CCDC178: variants seen among roughly 807,000 people sequenced by gnomAD.
The protein encoded by CCDC178 is coiled-coil domain containing 178.
A neutral mutation model predicts 117.4 loss-of-function variants in CCDC178; 126 were observed. The observed-to-expected ratio is 1.07, with a 90% CI of 0.93 to 1.24. The LOEUF (loss-of-function observed/expected upper bound fraction) is 1.24, where lower values mean the gene tolerates loss of function less well. CCDC178 is among the 50% of genes most tolerant of loss of function. The pLI, the probability that CCDC178 is intolerant of heterozygous loss-of-function variation, is 0.00. For missense variants in CCDC178, 1,030 were observed against 986.9 expected, an observed-to-expected ratio of 1.04 and a Z score of -0.59; for synonymous variants, 283 against 313.4, an observed-to-expected ratio of 0.90 and a Z score of 1.02.
chr18:33,365,178 A>G (rs1182790296), intron 6 of CCDC178, among the ~76,000 whole-genome samples: 1 of 152,110 alleles, frequency 6.6e-6, no homozygotes, highest in Non-Finnish European at 1.5e-5. Context: ...GTTAAATACA[A>G]TAGAACTAAT....
intron 2 of CCDC178, among the ~76,000 whole-genome samples, chr18:33,414,325 G>GA (rs920129368): frequency 6.6e-5 from 10 of 150,392 alleles, no homozygotes; most frequent in Admixed American, 3.3e-4. Context: ...AGCAAATTTA[G>GA]AAAAAAAAAC....
At chr18:33,215,473 T>A in intron 19 of CCDC178, 77 bp downstream of exon 19, 1 of 863,418 alleles carries the variant, frequency 1.2e-6, no homozygotes, top group Non-Finnish European at 1.6e-6. Flanking sequence ...TAAGAATGCA[T>A]TTTAAATATG....
intron 5 of CCDC178, among the ~76,000 whole-genome samples, chr18:33,375,897 G>C (rs982662223): frequency 1.2e-4 from 19 of 152,074 alleles, no homozygotes; most frequent in Admixed American, 4.6e-4. Flanking sequence ...AGAAGCATAA[G>C]GCAGAAGGAC....
At chr18:32,993,736 G>A (rs1170965283) in intron 21 of CCDC178, among the ~76,000 whole-genome samples, 2 of 152,088 alleles carry the variant, frequency 1.3e-5, no homozygotes, top group African/African-American at 4.8e-5. Flanking sequence ...TTGAGGGCAG[G>A]GTCAATGTGA....
chr18:33,044,330 C>A (rs2056604012), intron 21 of CCDC178, among the ~76,000 whole-genome samples: 1 of 151,992 alleles, frequency 6.6e-6, no homozygotes, highest in Admixed American at 6.6e-5. Flanking sequence ...CCAAAACAAT[C>A]TACAGCTTCA....
At chr18:32,987,866 G>A (rs1384414948) in intron 21 of CCDC178, among the ~76,000 whole-genome samples, 1 of 152,172 alleles carries the variant, frequency 6.6e-6, no homozygotes, top group African/African-American at 2.4e-5. Context: ...GGGAGGCCGA[G>A]GCAGGTGGAT....
chr18:32,951,931 G>A (rs1305092947), intron 22 of CCDC178, among the ~76,000 whole-genome samples: 1 of 152,178 alleles, frequency 6.6e-6, no homozygotes, highest in Admixed American at 6.5e-5. Context: ...AAATCCAATA[G>A]GGCAGTCATT....
intron 21 of CCDC178, among the ~76,000 whole-genome samples, chr18:33,053,670 A>C (rs2056782464): frequency 6.6e-6 from 1 of 152,174 alleles, no homozygotes. Context: ...AGAGATTGAA[A>C]AGTCGAAAAA....
intron 18 of CCDC178, among the ~76,000 whole-genome samples, chr18:33,219,092 T>C (rs1397024022): frequency 6.6e-6 from 1 of 152,184 alleles, no homozygotes; most frequent in Non-Finnish European, 1.5e-5. Flanking sequence ...CAACATGGAA[T>C]GTTCTTCCAT....
intron 21 of CCDC178, among the ~76,000 whole-genome samples, chr18:32,995,610 T>G (rs1334347110): frequency 6.6e-6 from 1 of 152,124 alleles, no homozygotes; most frequent in Non-Finnish European, 1.5e-5. Context: ...GTTGAATTAA[T>G]GAATGCTTTT....
chr18:32,958,388 A>G (rs1444688897), intron 22 of CCDC178, among the ~76,000 whole-genome samples: 1 of 152,210 alleles, frequency 6.6e-6, no homozygotes, highest in Non-Finnish European at 1.5e-5. Context: ...TCTAAATTTT[A>G]AAACCAGTGT....
intron 20 of CCDC178, among the ~76,000 whole-genome samples, chr18:33,169,600 T>G (rs2058573588): frequency 6.6e-6 from 1 of 152,174 alleles, no homozygotes; most frequent in African/African-American, 2.4e-5. Flanking sequence ...GGTGGTTGAA[T>G]ATCATGAGCT....
chr18:33,383,382 C>T (rs1231662684), intron 5 of CCDC178, among the ~76,000 whole-genome samples: 1 of 151,310 alleles, frequency 6.6e-6, no homozygotes, highest in Non-Finnish European at 1.5e-5. Flanking sequence ...CAGATGACCC[C>T]CTCAAGTGGT....
chr18:33,416,106 A>G (rs1166075331), intron 2 of CCDC178, among the ~76,000 whole-genome samples: 1 of 152,164 alleles, frequency 6.6e-6, no homozygotes. Flanking sequence ...AGACAGTAAC[A>G]TCTCTACTCC....
chr18:33,042,888 A>G (rs542194125), intron 21 of CCDC178, among the ~76,000 whole-genome samples: 7 of 152,004 alleles, frequency 4.6e-5, no homozygotes, highest in South Asian at 2.1e-4. Flanking sequence ...GATGAAAAAT[A>G]TGATTCGCAG....
intron 11 of CCDC178, among the ~76,000 whole-genome samples, chr18:33,303,148 T>A (rs2062200850): frequency 6.6e-6 from 1 of 152,120 alleles, no homozygotes. Flanking sequence ...TATATGTCAA[T>A]CTTTAAAGTT....
intron 6 of CCDC178, among the ~76,000 whole-genome samples, chr18:33,361,091 T>C (rs1033068781): frequency 6.6e-6 from 1 of 151,666 alleles, no homozygotes; most frequent in Non-Finnish European, 1.5e-5. Context: ...TTTAAACTTA[T>C]ATTACAAAGC....
intron 22 of CCDC178, among the ~76,000 whole-genome samples, chr18:32,940,233 T>A (rs2144583290): frequency 6.6e-6 from 1 of 152,192 alleles, no homozygotes. Context: ...AGAAGCCCCT[T>A]TTGAATTAAT....
intron 21 of CCDC178, among the ~76,000 whole-genome samples, chr18:33,080,195 C>T (rs1173952375): frequency 6.6e-6 from 1 of 152,114 alleles, no homozygotes; most frequent in African/African-American, 2.4e-5. Context: ...ATCTCACATG[C>T]TCTCACTTAT....
Sources: allele counts gnomAD v4.1 joint callset (sites outside exome capture counted in the v4.1 genomes callset), GRCh38; gene constraint gnomAD v4.1.1; transcripts MANE v1.5; gene names NCBI Gene and HGNC (gene_info 2026-07-23, HGNC 2026-07-21).